Variants in VPS41 observed in about 807,000 individuals in gnomAD.
VPS41 encodes vacuolar protein sorting-associated protein 41 homolog.
A neutral mutation model predicts 130.9 loss-of-function variants in VPS41; 85 were observed. The observed-to-expected ratio is 0.65, with a 90% confidence interval of 0.55 to 0.78. VPS41 has a LOEUF of 0.78. Ranked by LOEUF, VPS41 falls within the 30% of genes least tolerant of loss-of-function variation. The pLI is 0.00. For missense variants in VPS41, 874 were observed against 1,018.7 expected (o/e 0.86, Z 1.93); for synonymous variants, 335 against 332.9 (o/e 1.01, Z -0.07).
At chr7:38,819,984 A>C (rs1246040263) in intron 6 of VPS41, among the ~76,000 whole-genome samples, 4 of 152,150 alleles carry the variant, frequency 2.6e-5, no homozygotes, top group Non-Finnish European at 5.9e-5. Context: ...GATGTACTAC[A>C]CTTATCTAAA....
At chr7:38,770,126 A>G (rs1784125795) in intron 14 of VPS41, among the ~76,000 whole-genome samples, 1 of 152,030 alleles carries the variant, frequency 6.6e-6, no homozygotes, top group Non-Finnish European at 1.5e-5. Context: ...AAAATTAGCC[A>G]GGTGTGGTGG....
At chr7:38,887,527 T>C (rs891431026) in intron 2 of VPS41, among the ~76,000 whole-genome samples, 11 of 152,116 alleles carry the variant, frequency 7.2e-5, no homozygotes, top group Non-Finnish European at 1.3e-4. Flanking sequence ...TATGGGACTA[T>C]GTGAAAAGAC....
intron 2 of VPS41, among the ~76,000 whole-genome samples, chr7:38,874,970 T>C (rs1458921286): frequency 1.3e-5 from 2 of 152,188 alleles, no homozygotes; most frequent in African/African-American, 4.8e-5. Flanking sequence ...AATAATTCAA[T>C]TTGTAGAAGC....
intron 25 of VPS41, among the ~76,000 whole-genome samples, chr7:38,732,592 T>C (rs1363042968): frequency 6.6e-6 from 1 of 152,192 alleles, no homozygotes; most frequent in South Asian, 2.1e-4. Flanking sequence ...ATTTATGATA[T>C]GGATGTACTT....
At chr7:38,753,500 C>T (rs1263956442) in intron 21 of VPS41, among the ~76,000 whole-genome samples, 3 of 151,948 alleles carry the variant, frequency 2.0e-5, no homozygotes, top group Non-Finnish European at 2.9e-5. Context: ...GTGCTGTTTC[C>T]CAGAGTGCAA....
At chr7:38,856,671 G>T (rs1008828622) in intron 4 of VPS41, among the ~76,000 whole-genome samples, 1 of 152,044 alleles carries the variant, frequency 6.6e-6, no homozygotes, top group Non-Finnish European at 1.5e-5. Context: ...CCTCCAAGAC[G>T]TTAAATAGGA....
chr7:38,727,268 T>C, intron 27 of VPS41: 1 of 226,460 alleles, frequency 4.4e-6, no homozygotes. Context: ...CAAGTGTATG[T>C]GCCAATGCGC....
At chr7:38,827,976 T>C (rs1156439447) in intron 5 of VPS41, among the ~76,000 whole-genome samples, 1 of 151,796 alleles carries the variant, frequency 6.6e-6, no homozygotes, top group Non-Finnish European at 1.5e-5. Context: ...TTATTATTAG[T>C]CCAAGTTCCA....
intron 5 of VPS41, among the ~76,000 whole-genome samples, chr7:38,827,666 T>G (rs1422319139): frequency 6.6e-6 from 1 of 152,162 alleles, no homozygotes; most frequent in Non-Finnish European, 1.5e-5. Flanking sequence ...ACACACCAAG[T>G]GGGAATGCCA....
intron 4 of VPS41, among the ~76,000 whole-genome samples, chr7:38,853,523 C>G (rs1055066064): frequency 6.6e-6 from 1 of 151,576 alleles, no homozygotes; most frequent in African/African-American, 2.4e-5. Context: ...TCACTTTCTA[C>G]AGGTTCCCTG....
Position 38,730,665 on chromosome 7 carries a change from T to C in VPS41, c.2260-1874A>G, listed in dbSNP as rs570483104. On this transcript the variant is annotated intron_variant, in intron 25 of 28. Transcript: ENST00000310301. The stretch of plus-strand genomic sequence containing the variant: ...TAACAAATACAGTAAGAAAGATAGC[T>C]AAGAAATATGGATGTCAGGAAACTT... Among the ~76,000 whole-genome samples the C allele has an allele frequency of 3.9e-5, 6 of 152,166 alleles. No homozygotes were observed. The East Asian group carries it at 5.8e-4, about 15-fold the overall frequency.
intron 22 of VPS41, 137 bp downstream of exon 22, chr7:38,752,039 T>A (rs952131405): frequency 2.3e-6 from 3 of 1,297,790 alleles, no homozygotes; most frequent in Non-Finnish European, 3.2e-6. Context: ...GCCAAAAACC[T>A]ACTTCTTTGA....
chr7:38,788,004 T>C (rs1784470461), intron 10 of VPS41, among the ~76,000 whole-genome samples: 1 of 152,132 alleles, frequency 6.6e-6, no homozygotes, highest in Non-Finnish European at 1.5e-5. Context: ...TCTAGGCTAA[T>C]AGGGCCACCA....
intron 14 of VPS41, among the ~76,000 whole-genome samples, chr7:38,768,053 A>G (rs1334786920): frequency 1.3e-5 from 2 of 152,220 alleles, no homozygotes; most frequent in Middle Eastern, 3.2e-3. Flanking sequence ...CTATCATACT[A>G]AAGGAAATAG....
intron 7 of VPS41, among the ~76,000 whole-genome samples, chr7:38,816,315 G>A (rs1463450442): frequency 6.6e-6 from 1 of 152,194 alleles, no homozygotes; most frequent in Admixed American, 6.5e-5. Flanking sequence ...GCTTTATGTT[G>A]TGGAATGGAA....
intron 2 of VPS41, among the ~76,000 whole-genome samples, chr7:38,876,003 G>A (rs931068624): frequency 6.6e-6 from 1 of 152,268 alleles, no homozygotes; most frequent in African/African-American, 2.4e-5. Context: ...AATACATACG[G>A]TTAAATGAGT....
intron 14 of VPS41, among the ~76,000 whole-genome samples, chr7:38,770,217 C>G (rs1351494872): frequency 6.7e-6 from 1 of 148,596 alleles, no homozygotes; most frequent in Non-Finnish European, 1.5e-5. Flanking sequence ...TGCGGTGAAC[C>G]AAGATTGTGC....
intron 1 of VPS41, among the ~76,000 whole-genome samples, chr7:38,902,189 ACAGAC>A: frequency 6.6e-6 from 1 of 152,302 alleles, no homozygotes; most frequent in Middle Eastern, 3.4e-3. Flanking sequence ...TTCCCAAAGC[ACAGAC>A]CAGACGGCCA....
At chr7:38,858,455 C>G (rs1016174684) in intron 4 of VPS41, among the ~76,000 whole-genome samples, 1 of 152,142 alleles carries the variant, frequency 6.6e-6, no homozygotes, top group Admixed American at 6.5e-5. Context: ...CTGACTCCCC[C>G]TTCCCGTCAT....
Sources: gnomAD v4.1 joint callset for allele counts (sites outside exome capture counted in the v4.1 genomes callset) on GRCh38, gnomAD v4.1.1 for gene constraint, MANE v1.5 for transcripts, NCBI Gene and HGNC (gene_info 2026-07-23, HGNC 2026-07-21) for gene names.